The following PHKB variants were observed in gnomAD, a reference collection of about 807,000 sequenced individuals.
PHKB encodes the protein phosphorylase b kinase regulatory subunit beta.
Under a neutral mutation model 152.1 loss-of-function variants are expected in PHKB, and 122 were observed. That is an observed-to-expected ratio of 0.80 (90% confidence interval 0.69 to 0.93). The LOEUF is 0.93. Ranked by LOEUF, PHKB falls within the 40% of genes least tolerant of loss-of-function variation. The pLI is 0.00. For synonymous variants in PHKB, 436 were observed against 464.9 expected (o/e 0.94, Z 0.80); for missense variants, 1,304 against 1,328.4 (o/e 0.98, Z 0.29).
chr16:47,486,068 T>C lies in PHKB; in HGVS notation c.77-11331T>C, dbSNP rs149827669. 3.9e-5 allele frequency among the ~76,000 whole-genome samples: 6 copies of C among 152,278 alleles called. No homozygotes were observed. In the East Asian group the frequency reaches 9.7e-4, roughly 25 times the overall value. ...ACTAAACATTTATTGTCACCTACCA[T>C]GTATTAGATATTGTTCCTGTAATTG... On this transcript the variant is annotated intron_variant, in intron 1 of 30. Transcript: ENST00000323584.
intron 14 of PHKB, among the ~76,000 whole-genome samples, chr16:47,622,606 G>T (rs1038396344): frequency 6.6e-6 from 1 of 152,136 alleles, no homozygotes; most frequent in South Asian, 2.1e-4. Flanking sequence ...ATTCAGTTTC[G>T]CATTCAGTGA....
intron 5 of PHKB, among the ~76,000 whole-genome samples, chr16:47,512,568 A>T (rs1244585141): frequency 6.6e-6 from 1 of 152,218 alleles, no homozygotes; most frequent in East Asian, 1.9e-4. Context: ...TGCCACTGAA[A>T]TGTAATTCCA....
At chr16:47,672,050 G>T (rs576890622) in intron 26 of PHKB, among the ~76,000 whole-genome samples, 4 of 152,138 alleles carry the variant, frequency 2.6e-5, no homozygotes, top group African/African-American at 9.6e-5. Context: ...TTCTCTAGGA[G>T]ATTTCTACTT....
chr16:47,614,806 TC>T (rs1972487668), intron 14 of PHKB, among the ~76,000 whole-genome samples: 1 of 152,206 alleles, frequency 6.6e-6, no homozygotes, highest in Non-Finnish European at 1.5e-5. Context: ...TGTACTGACC[TC>T]AGTTTTTACC....
chr16:47,662,033 T>C (rs1973454122), intron 23 of PHKB, among the ~76,000 whole-genome samples: 1 of 152,204 alleles, frequency 6.6e-6, no homozygotes, highest in African/African-American at 2.4e-5. Context: ...TCTCTGATTG[T>C]CTGAAAAGTA....
chr16:47,603,752 G>A (rs1164584740), intron 13 of PHKB, among the ~76,000 whole-genome samples: 5 of 151,988 alleles, frequency 3.3e-5, no homozygotes, highest in South Asian at 2.1e-4. Context: ...CAATCTGCCC[G>A]CCTTGGCCTC....
At chr16:47,510,065 A>T (rs1970484056) in intron 4 of PHKB, among the ~76,000 whole-genome samples, 1 of 152,188 alleles carries the variant, frequency 6.6e-6, no homozygotes, top group Non-Finnish European at 1.5e-5. Context: ...GTTTTAAAGG[A>T]TATAAGCAAA....
intron 4 of PHKB, among the ~76,000 whole-genome samples, chr16:47,509,029 G>A (rs139250417): frequency 1.8e-3 from 277 of 152,276 alleles, no homozygotes; most frequent in Non-Finnish European, 3.1e-3. Context: ...TGCATGTCTT[G>A]AAGACAAATG....
chr16:47,494,263 AT>A (rs1970197325), intron 1 of PHKB, among the ~76,000 whole-genome samples: 2 of 152,352 alleles, frequency 1.3e-5, no homozygotes, highest in African/African-American at 4.8e-5. Context: ...GCCTAAATCT[AT>A]GTGGAAGCAT....
chr16:47,695,078 G>C (rs954847350), intron 28 of PHKB, among the ~76,000 whole-genome samples: 1 of 152,144 alleles, frequency 6.6e-6, no homozygotes, highest in Non-Finnish European at 1.5e-5. Flanking sequence ...ACAGATAAAT[G>C]ATTTCCTCAA....
Position 47,503,068 on chromosome 16 carries a change from G to C in PHKB, c.383G>C (p.Cys128Ser). 6.2e-7 allele frequency: 1 copy of C among 1,608,550 alleles called. No homozygotes were observed. Among genetic ancestry groups the C allele is most frequent in the Non-Finnish European group, 8.5e-7 (1 of 1,174,868 alleles). The part of the protein sequence containing the change: ...AIKCMRGILY[C>S]YMRQADKVQQ... The stretch of plus-strand genomic sequence containing the variant: ...AAATGCATGAGAGGAATTCTCTACT[G>C]CTATATGCGTCAGGCCGATAAGGTA... The change falls in exon 4 of 31, where the codon TGC (cysteine) becomes TCC (serine). Residue 128 changes from cysteine (C) to serine (S), a missense_variant. Cys to Ser is a moderately radical substitution (Grantham distance 112). Coordinates refer to ENST00000323584, the MANE Select transcript of PHKB (RefSeq NM_000293.3).
intron 20 of PHKB, among the ~76,000 whole-genome samples, chr16:47,655,080 A>G (rs1973311183): frequency 6.6e-6 from 1 of 152,226 alleles, no homozygotes; most frequent in African/African-American, 2.4e-5. Flanking sequence ...ACCAAAATTG[A>G]GAAGTCAGTG....
chr16:47,652,980 T>C (rs1259384138), intron 20 of PHKB, among the ~76,000 whole-genome samples: 1 of 151,906 alleles, frequency 6.6e-6, no homozygotes, highest in Non-Finnish European at 1.5e-5. Context: ...TGATGCTTAG[T>C]GATATTGAGC....
At chr16:47,544,321 A>G (rs1426416772) in intron 6 of PHKB, among the ~76,000 whole-genome samples, 1 of 152,134 alleles carries the variant, frequency 6.6e-6, no homozygotes, top group Non-Finnish European at 1.5e-5. Flanking sequence ...GAACATCTTT[A>G]TTTCTGCCTT....
At position 47,696,625 on chromosome 16, in the gene PHKB, C is replaced by G. The variant is rs1974152741; in HGVS notation, c.3003+137C>G. 3 of 695,958 alleles carry G rather than the reference C, an allele frequency of 4.3e-6. No individual in the cohort carries two copies. The Admixed American group carries it at 6.2e-5, about 14-fold the overall frequency. 43.1% of individuals were successfully genotyped at this position (695,958 alleles called of 1,614,324 possible). A position where few individuals can be genotyped will look rare whatever the true frequency, so the allele number is the denominator to read the frequency against. On this transcript the variant is annotated intron_variant, in intron 29 of 30. Transcript: ENST00000323584. ...CGATCTCTCCTGTGAGACCCAGAAC[C>G]CTATTCTTTCCGGAACCTTGATCTC...
In PHKB at chr16:47,698,601, C is replaced by CAT; in HGVS notation, c.3144+13_3144+14insAT. 1.4e-6 allele frequency: 1 copy of CAT among 730,286 alleles called. No homozygotes were observed. Among genetic ancestry groups the CAT allele is most frequent in the Non-Finnish European group, 1.8e-6 (1 of 550,888 alleles). 45.2% of individuals were successfully genotyped at this position (730,286 alleles called of 1,614,324 possible). A position where few individuals can be genotyped will look rare whatever the true frequency, so the allele number is the denominator to read the frequency against. ...AATTGAAAAACAAGTAAGTACACAG[C>CAT]TTTTTTTTTTTTTTTTTTTTTGAGA... On this transcript the variant is annotated intron_variant, in intron 30 of 30. Coordinates refer to ENST00000323584, the MANE Select transcript of PHKB (RefSeq NM_000293.3).
chr16:47,680,231 T>C (rs1332736641), intron 26 of PHKB, among the ~76,000 whole-genome samples: 1 of 152,188 alleles, frequency 6.6e-6, no homozygotes, highest in African/African-American at 2.4e-5. Context: ...TAAAATTCTC[T>C]TTTTTGGTTG....
intron 16 of PHKB, among the ~76,000 whole-genome samples, chr16:47,646,496 A>G (rs1597147763): frequency 7.1e-6 from 1 of 140,322 alleles, no homozygotes; most frequent in Non-Finnish European, 1.5e-5. Flanking sequence ...TAACCTGCAC[A>G]ATGTGCATAT....
At chr16:47,631,602 A>G (rs572180342) in intron 14 of PHKB, among the ~76,000 whole-genome samples, 9 of 152,038 alleles carry the variant, frequency 5.9e-5, no homozygotes, top group Non-Finnish European at 1.2e-4. Context: ...TACATTAGGT[A>G]TTTCTCCCAA....
Sources: allele counts gnomAD v4.1 joint callset (sites outside exome capture counted in the v4.1 genomes callset), GRCh38; gene constraint gnomAD v4.1.1; transcripts MANE v1.5; gene names NCBI Gene and HGNC (gene_info 2026-07-23, HGNC 2026-07-21).